The following USP54 variants were observed in gnomAD, a reference collection of about 807,000 sequenced individuals.
The protein encoded by USP54 is ubiquitin carboxyl-terminal hydrolase 54.
Under a neutral mutation model 170.5 loss-of-function variants are expected in USP54, and 87 were observed. That is an observed-to-expected ratio of 0.51 (90% CI 0.43 to 0.61). The LOEUF (loss-of-function observed/expected upper bound fraction) is 0.61, where lower values mean the gene tolerates loss of function less well. USP54 is among the 20% of genes least tolerant of loss of function. The probability of loss-of-function intolerance (pLI) is 0.00; values close to 1 mark genes in which losing one functional copy is unlikely to be tolerated. For synonymous variants in USP54, 655 were observed against 742.8 expected, an observed-to-expected ratio of 0.88 and a Z score of 1.92; for missense variants, 1,786 against 2,047.8, an observed-to-expected ratio of 0.87 and a Z score of 2.47.
At chr10:73,520,630 G>C (rs967999879) in intron 18 of USP54, among the ~76,000 whole-genome samples, 3 of 152,128 alleles carry the variant, frequency 2.0e-5, no homozygotes, top group Non-Finnish European at 4.4e-5. Flanking sequence ...TCACATCTGA[G>C]GTCTAACTTT....
chr10:73,502,863 C>A (rs1257405410), intron 22 of USP54, among the ~76,000 whole-genome samples: 2 of 152,120 alleles, frequency 1.3e-5, no homozygotes, highest in Non-Finnish European at 2.9e-5. Flanking sequence ...CAAAAGCCTG[C>A]CAGATACCTC....
At chr10:73,518,047 T>C in intron 19 of USP54, 1 of 522,350 alleles carries the variant, frequency 1.9e-6, no homozygotes, top group Non-Finnish European at 2.5e-6. Flanking sequence ...TGAAGTCGCA[T>C]TCCAATCACA....
intron 1 of USP54, among the ~76,000 whole-genome samples, chr10:73,600,052 C>A (rs2079047578): frequency 6.6e-6 from 1 of 152,010 alleles, no homozygotes; most frequent in Admixed American, 6.6e-5. Context: ...CAGGCATGCA[C>A]CACCACGCTC....
chr10:73,512,149 C>T (rs2060317882), intron 20 of USP54, among the ~76,000 whole-genome samples: 1 of 151,770 alleles, frequency 6.6e-6, no homozygotes, highest in South Asian at 2.1e-4. Flanking sequence ...TATCACTCCT[C>T]TTTTTTTTGA....
rs549210814 is a variant in USP54, at chr10:73,536,631, A to G, written c.976-194T>C. 4.6e-5 allele frequency among the ~76,000 whole-genome samples: 7 copies of G among 152,336 alleles called. No homozygotes were observed. In the East Asian group the frequency reaches 1.3e-3, roughly 29 times the overall value. ...TTTTTTTTCTTTGCTAAGTCCTTTT[A>G]GAAAGCACTAAAATCCTATAGGAGA... On this transcript the variant is annotated intron_variant, in intron 10 of 23. Transcript: ENST00000687698.
intron 1 of USP54, among the ~76,000 whole-genome samples, chr10:73,596,590 G>A (rs931419970): frequency 2.0e-5 from 3 of 151,458 alleles, no homozygotes; most frequent in African/African-American, 7.3e-5. Flanking sequence ...GTAGTGGTAC[G>A]CGCCTGTAAT....
chr10:73,623,095 A>G (rs2081220451), intron 1 of USP54, among the ~76,000 whole-genome samples: 1 of 152,208 alleles, frequency 6.6e-6, no homozygotes, highest in South Asian at 2.1e-4. Context: ...GAAAACTCTT[A>G]GGCTGGGCAT....
chr10:73,615,506 G>A (rs2080547654), intron 1 of USP54, among the ~76,000 whole-genome samples: 1 of 150,466 alleles, frequency 6.6e-6, no homozygotes, highest in Non-Finnish European at 1.5e-5. Context: ...TGAATGCTGA[G>A]AGGATGAATT....
At chr10:73,585,447 G>A (rs555423889) in intron 1 of USP54, among the ~76,000 whole-genome samples, 20 of 152,270 alleles carry the variant, frequency 1.3e-4, no homozygotes, top group African/African-American at 4.8e-4. Flanking sequence ...ACCGCAAAGG[G>A]AAGCCCAGGT....
intron 15 of USP54, among the ~76,000 whole-genome samples, chr10:73,527,328 T>C (rs2063061218): frequency 6.6e-6 from 1 of 151,784 alleles, no homozygotes; most frequent in South Asian, 2.1e-4. Flanking sequence ...TGAAACCCCA[T>C]CTCTACTAAA....
chr10:73,599,844 A>G (rs1293400396), intron 1 of USP54, among the ~76,000 whole-genome samples: 1 of 151,942 alleles, frequency 6.6e-6, no homozygotes, highest in Non-Finnish European at 1.5e-5. Context: ...GAGAAATTAA[A>G]ATTATTTGCC....
intron 1 of USP54, among the ~76,000 whole-genome samples, chr10:73,585,608 T>A (rs976016566): frequency 6.6e-6 from 1 of 152,172 alleles, no homozygotes; most frequent in Non-Finnish European, 1.5e-5. Flanking sequence ...GGCCCCAACA[T>A]TGGGGATCAC....
intron 22 of USP54, among the ~76,000 whole-genome samples, chr10:73,502,313 T>A (rs2058296542): frequency 6.6e-6 from 1 of 152,046 alleles, no homozygotes; most frequent in Admixed American, 6.5e-5. Context: ...TATTCCTTTC[T>A]TCTTTTTTTT....
intron 1 of USP54, chr10:73,606,526 T>C (rs1007488171): frequency 2.6e-5 from 4 of 152,126 alleles, no homozygotes; most frequent in African/African-American, 9.7e-5. Context: ...AAATAAACAA[T>C]CTGCTGCTTT....
intron 19 of USP54, chr10:73,518,367 A>G (rs1344737840): frequency 5.1e-6 from 2 of 395,496 alleles, no homozygotes; most frequent in Non-Finnish European, 6.9e-6. Flanking sequence ...CTCTCTTGAG[A>G]TTTAGGAGTA....
upstream of USP54, among the ~76,000 whole-genome samples, chr10:73,592,776 T>A (rs1406379164): frequency 6.6e-6 from 1 of 152,238 alleles, no homozygotes; most frequent in Non-Finnish European, 1.5e-5. Flanking sequence ...ACATTACTTT[T>A]CATGTCTCAT....
At chr10:73,518,331 T>A (rs2061370282) in intron 19 of USP54, 1 of 750,996 alleles carries the variant, frequency 1.3e-6, no homozygotes, top group Non-Finnish European at 1.6e-6. Flanking sequence ...TATTAGTCAC[T>A]GAGATGTTTC....
chr10:73,563,110 C>A (rs2077611408), intron 4 of USP54, among the ~76,000 whole-genome samples: 1 of 152,004 alleles, frequency 6.6e-6, no homozygotes, highest in Admixed American at 6.6e-5. Context: ...CACCGACATG[C>A]CCAGATAATT....
At chr10:73,504,446 A>G (rs2058724424) in intron 22 of USP54, 1 of 192,102 alleles carries the variant, frequency 5.2e-6, no homozygotes, top group African/African-American at 2.3e-5. Flanking sequence ...TAGATTGAAA[A>G]CACACTGAAT....
Sources: gnomAD v4.1 joint callset for allele counts (sites outside exome capture counted in the v4.1 genomes callset) on GRCh38, gnomAD v4.1.1 for gene constraint, MANE v1.5 for transcripts, NCBI Gene and HGNC (gene_info 2026-07-23, HGNC 2026-07-21) for gene names.